RBFOX1: variants seen among roughly 807,000 people sequenced by gnomAD.
RBFOX1 encodes RNA binding protein fox-1 homolog 1.
In RBFOX1, 8 loss-of-function variants were observed where a neutral mutation model predicts 57.7. The ratio of observed to expected loss-of-function variants is 0.14; its 90% CI spans 0.08 to 0.25. The LOEUF is 0.25. Ranked by LOEUF, RBFOX1 falls within the 10% of genes least tolerant of loss-of-function variation. RBFOX1 has a pLI of 1.00. For synonymous variants in RBFOX1, 326 were observed against 222.4 expected, an observed-to-expected ratio of 1.47 and a Z score of -4.15; for missense variants, 611 against 548.5, an observed-to-expected ratio of 1.11 and a Z score of -1.14.
At chr16:5,299,412 T>C (rs551080231) in intron 1 of RBFOX1, among the ~76,000 whole-genome samples, 3 of 152,362 alleles carry the variant, frequency 2.0e-5, no homozygotes, top group African/African-American at 7.2e-5. Context: ...TTTACCAAAC[T>C]TTGTGTGAAC....
intron 4 of RBFOX1, among the ~76,000 whole-genome samples, chr16:7,108,040 G>A (rs1057113390): frequency 7.2e-5 from 11 of 152,036 alleles, no homozygotes. Context: ...AGGGTAGAGA[G>A]GTGAAAGGAT....
chr16:6,450,108 T>C (rs1332825074), intron 2 of RBFOX1, among the ~76,000 whole-genome samples: 1 of 152,192 alleles, frequency 6.6e-6, no homozygotes, highest in Non-Finnish European at 1.5e-5. Context: ...GGTGGGGATA[T>C]GTACATCTCA....
chr16:7,408,041 C>T (rs2098376362), intron 4 of RBFOX1, among the ~76,000 whole-genome samples: 2 of 152,164 alleles, frequency 1.3e-5, no homozygotes, highest in African/African-American at 2.4e-5. Flanking sequence ...AACTGATAAC[C>T]CTTGCTTTAC....
intron 3 of RBFOX1, among the ~76,000 whole-genome samples, chr16:7,008,622 C>G (rs2093437380): frequency 1.4e-5 from 2 of 140,692 alleles, no homozygotes; most frequent in Admixed American, 1.4e-4. Context: ...AATTCCCTCC[C>G]TCCCTCCCTT....
intron 2 of RBFOX1, among the ~76,000 whole-genome samples, chr16:6,558,858 C>G (rs1033331233): frequency 6.6e-6 from 1 of 151,666 alleles, no homozygotes; most frequent in South Asian, 2.1e-4. Flanking sequence ...ACATACCCAG[C>G]TCCTCCTGAG....
chr16:6,034,402 A>G (rs1316683994), intron 1 of RBFOX1, among the ~76,000 whole-genome samples: 1 of 149,324 alleles, frequency 6.7e-6, no homozygotes, highest in Non-Finnish European at 1.5e-5. Context: ...TTGTTTTCTC[A>G]TAGTTTTGGA....
chr16:5,956,615 T>C (rs370021546), intron 4 of RBFOX1, among the ~76,000 whole-genome samples: 4 of 146,942 alleles, frequency 2.7e-5, no homozygotes, highest in African/African-American at 7.5e-5. Context: ...TGAGGAACAA[T>C]TGGTAAATTC....
chr16:6,984,348 C>T (rs2089731178), intron 3 of RBFOX1, among the ~76,000 whole-genome samples: 1 of 152,156 alleles, frequency 6.6e-6, no homozygotes, highest in Admixed American at 6.5e-5. Context: ...GTATCAATGT[C>T]ACCTGGGATA....
intron 3 of RBFOX1, among the ~76,000 whole-genome samples, chr16:6,957,289 G>C (rs150158347): frequency 1.3e-5 from 2 of 151,602 alleles, no homozygotes; most frequent in East Asian, 1.9e-4. Context: ...CCACCACTGC[G>C]CCAGGCTAAT....
intron 1 of RBFOX1, among the ~76,000 whole-genome samples, chr16:6,032,042 C>T (rs953138967): frequency 5.3e-5 from 8 of 152,120 alleles, no homozygotes; most frequent in South Asian, 2.1e-4. Context: ...TTGGGGACTT[C>T]GGCATTTTGG....
intron 2 of RBFOX1, among the ~76,000 whole-genome samples, chr16:6,331,047 GA>G (rs1056606296): frequency 6.6e-6 from 1 of 152,170 alleles, no homozygotes; most frequent in African/African-American, 2.4e-5. Flanking sequence ...TAAGGGATCT[GA>G]AAAAGTAAGG....
At chr16:7,352,986 G>C (rs189690186) in intron 4 of RBFOX1, among the ~76,000 whole-genome samples, 10 of 152,228 alleles carry the variant, frequency 6.6e-5, no homozygotes, top group Admixed American at 3.9e-4. Context: ...AAAGTGCTGA[G>C]ACTGCAAGTA....
At chr16:7,078,173 G>A (rs1047929044) in intron 4 of RBFOX1, among the ~76,000 whole-genome samples, 4 of 152,070 alleles carry the variant, frequency 2.6e-5, no homozygotes, top group African/African-American at 4.8e-5. Flanking sequence ...AAAAGTCATC[G>A]TTTTCCTGCA....
At chr16:5,974,542 G>A (rs980718589) in intron 4 of RBFOX1, among the ~76,000 whole-genome samples, 11 of 152,048 alleles carry the variant, frequency 7.2e-5, no homozygotes, top group South Asian at 2.1e-4. Context: ...CCCGGGAGGC[G>A]GAGGTTGCAG....
intron 1 of RBFOX1, among the ~76,000 whole-genome samples, chr16:5,272,252 G>A (rs1039385744): frequency 3.3e-5 from 5 of 152,294 alleles, no homozygotes; most frequent in African/African-American, 1.2e-4. Context: ...CAGTAAATTA[G>A]GGGATGGACA....
At chr16:7,224,011 C>A (rs943028123) in intron 4 of RBFOX1, among the ~76,000 whole-genome samples, 13 of 150,322 alleles carry the variant, frequency 8.6e-5, no homozygotes, top group Non-Finnish European at 1.8e-4. Context: ...AAGTAAAGTA[C>A]ATATTATTTA....
intron 2 of RBFOX1, among the ~76,000 whole-genome samples, chr16:5,587,414 TAA>T (rs1319855070): frequency 3.3e-5 from 5 of 152,192 alleles, no homozygotes; most frequent in Admixed American, 1.3e-4. Context: ...GGCTAGAATC[TAA>T]AAGTCAGATA....
intron 3 of RBFOX1, among the ~76,000 whole-genome samples, chr16:6,852,243 A>ACTGCAGTCT (rs1161873339): frequency 5.9e-5 from 9 of 152,014 alleles, no homozygotes; most frequent in Admixed American, 2.0e-4. Flanking sequence ...TGGCTACATG[A>ACTGCAGTCT]CTGCAGTCTC....
At chr16:6,963,185 T>C (rs2083383565) in intron 3 of RBFOX1, among the ~76,000 whole-genome samples, 2 of 152,132 alleles carry the variant, frequency 1.3e-5, no homozygotes, top group Non-Finnish European at 2.9e-5. Context: ...TGCTATTTTT[T>C]TTCGGAGTCC....
Sources: gnomAD v4.1 joint callset for allele counts (sites outside exome capture counted in the v4.1 genomes callset) on GRCh38, gnomAD v4.1.1 for gene constraint, MANE v1.5 for transcripts, NCBI Gene and HGNC (gene_info 2026-07-23, HGNC 2026-07-21) for gene names.